Variants in ACVR1 observed in about 807,000 individuals in gnomAD.
The protein encoded by ACVR1 is activin receptor type-1.
Under a neutral mutation model 57.1 loss-of-function variants are expected in ACVR1, and 38 were observed. The ratio of observed to expected loss-of-function variants is 0.67; its 90% CI spans 0.51 to 0.87. The LOEUF is 0.87. Among genes scored for constraint, ACVR1 ranks in the 40% least tolerant of loss-of-function variants. The pLI is 0.00. For synonymous variants in ACVR1, 212 were observed against 228.1 expected (o/e 0.93, Z 0.63); for missense variants, 463 against 638.2 (o/e 0.73, Z 2.96).
rs769241707 is a variant in ACVR1 at position 157,799,840 on chromosome 2, T to C, written c.-7-340A>G. On this transcript the variant is annotated intron_variant, in intron 2 of 10. Coordinates refer to ENST00000434821, the MANE Select transcript of ACVR1 (RefSeq NM_001111067.4). ...TAGGTTTGAATTTTATCTTACCCCA[T>C]TGAATGCAAAATTGGTACTAAATTA... Among the ~76,000 whole-genome samples the C allele has an allele frequency of 2.6e-5, 4 of 152,180 alleles. No individual in the cohort carries two copies. In the East Asian group the frequency reaches 5.8e-4, roughly 22 times the overall value.
chr2:157,781,228 G>A (rs1686511751), intron 3 of ACVR1, among the ~76,000 whole-genome samples: 1 of 152,174 alleles, frequency 6.6e-6, no homozygotes. Flanking sequence ...TCCTGGCTGA[G>A]CATCTCAAAT....
chr2:157,826,234 T>C (rs1688344427), intron 1 of ACVR1, among the ~76,000 whole-genome samples: 1 of 152,168 alleles, frequency 6.6e-6, no homozygotes, highest in Non-Finnish European at 1.5e-5. Flanking sequence ...AGACAGATAT[T>C]TAGCAAAACT....
chr2:157,821,623 G>A (rs1303083319), intron 1 of ACVR1, among the ~76,000 whole-genome samples: 5 of 152,166 alleles, frequency 3.3e-5, no homozygotes, highest in African/African-American at 1.2e-4. Flanking sequence ...ACCATTCATT[G>A]AGCTGAGTTT....
At chr2:157,864,953 T>C (rs1689859823) in intron 1 of ACVR1, among the ~76,000 whole-genome samples, 1 of 152,126 alleles carries the variant, frequency 6.6e-6, no homozygotes, top group African/African-American at 2.4e-5. Context: ...CATATTTTTT[T>C]TTTTTTAAAA....
At chr2:157,850,550 G>T (rs184484739) in intron 1 of ACVR1, among the ~76,000 whole-genome samples, 1 of 152,114 alleles carries the variant, frequency 6.6e-6, no homozygotes, top group South Asian at 2.1e-4. Context: ...TCCTTTTCTC[G>T]TTAAGATTCC....
chr2:157,831,232 A>C (rs1688570303), intron 1 of ACVR1, among the ~76,000 whole-genome samples: 1 of 152,254 alleles, frequency 6.6e-6, no homozygotes, highest in Non-Finnish European at 1.5e-5. Flanking sequence ...ATAAGCATGA[A>C]AAAGGTAACA....
At chr2:157,738,350 C>T (rs1684620409) in intron 10 of ACVR1, 90 bp downstream of exon 10, 2 of 1,571,116 alleles carry the variant, frequency 1.3e-6, no homozygotes, top group East Asian at 4.5e-5. Flanking sequence ...CGGGACAGAT[C>T]ACTCAGATGC....
In ACVR1 at chr2:157,796,370, G is replaced by A. The variant is rs534642142; in HGVS notation, c.67+3057C>T. Among the ~76,000 whole-genome samples, 33 of 151,936 alleles carry A rather than the reference G, an allele frequency of 2.2e-4. 1 individual carries two copies. The South Asian group carries it at 6.2e-3, about 29-fold the overall frequency. Reference sequence around the variant, plus strand: ...AGTCGGAGACCAGCCTGGGCAACACGGCAAAACTCTGTCTCTACTAAAAAT... The same window carrying A: ...AGTCGGAGACCAGCCTGGGCAACACAGCAAAACTCTGTCTCTACTAAAAAT... On this transcript the variant is annotated intron_variant, in intron 3 of 10. Transcript: ENST00000434821.
rs1270532939 is a variant in ACVR1, at chr2:157,876,028, T to C, written c.-415A>G. Among the ~76,000 whole-genome samples the C allele has an allele frequency of 7.4e-6, 1 of 135,136 alleles. No homozygotes were observed. Among genetic ancestry groups the C allele is most frequent in the Non-Finnish European group, 1.6e-5 (1 of 63,944 alleles). The allele number at this position is 135,136 out of a possible 152,430, so 88.7% of individuals were successfully genotyped here. On this transcript the variant is annotated 5_prime_UTR_variant, in exon 1 of 11. Transcript: ENST00000434821. ...CGTGGGGCCGGGAGCTTCCCGGCCC[T>C]GGGGCCGGCGCGGCTGGCCGAGGAG... is the stretch of plus-strand genomic sequence containing the variant.
rs1689574966 is a variant in ACVR1, at chr2:157,857,458, A to G, written c.-183+18338T>C. 2.0e-5 allele frequency among the ~76,000 whole-genome samples: 3 copies of G among 152,072 alleles called. 1 individual carries two copies. In the South Asian group the frequency reaches 6.2e-4, roughly 32 times the overall value. On this transcript the variant is annotated intron_variant, in intron 1 of 10. Coordinates refer to ENST00000434821, the MANE Select transcript of ACVR1 (RefSeq NM_001111067.4). ...TCTTCCTCCACCATAAGGAAGAAAT[A>G]CTGTACCAGAGAGACCAGAATTGCA...
chr2:157,789,961 T>TACTGAACTGCTGTAAGGA (rs1286148197), intron 3 of ACVR1, among the ~76,000 whole-genome samples: 1 of 152,214 alleles, frequency 6.6e-6, no homozygotes, highest in African/African-American at 2.4e-5. Flanking sequence ...GAGAACAATA[T>TACTGAACTGCTGTAAGGA]GAAGTCTTCA....
chr2:157,759,905 A>C (rs148460691), intron 9 of ACVR1, among the ~76,000 whole-genome samples: 1,857 of 152,290 alleles, frequency 0.012, 14 homozygotes, highest in Non-Finnish European at 0.019. Flanking sequence ...TTCATGATAT[A>C]AACTCTCAAC....
chr2:157,768,031 T>C (rs567010806), intron 7 of ACVR1, among the ~76,000 whole-genome samples: 207 of 152,346 alleles, frequency 1.4e-3, no homozygotes, highest in African/African-American at 4.8e-3. Flanking sequence ...TTACTGACTA[T>C]GCCATACTGT....
chr2:157,761,075 G>A lies in ACVR1; in HGVS notation c.1069C>T (p.Leu357=), dbSNP rs1306239137. Residue 357 remains leucine, a splice_region_variant and synonymous_variant, in exon 9 of 11, where the codon CTG becomes TTG. Coordinates refer to ENST00000434821, the MANE Select transcript of ACVR1 (RefSeq NM_001111067.4). ...NGQCCIADLG[L]AVMHSQSTNQ... The stretch of plus-strand genomic sequence containing the variant: ...GTGCTCTGGGAATGCATGACTGCCA[G>A]GCCTGAAAGGAAGAAGATAACAATG... 1 of 1,613,624 alleles carries A rather than the reference G, an allele frequency of 6.2e-7. No homozygotes were observed. The highest frequency in any genetic ancestry group is 1.3e-5 in the African/African-American group (1 of 74,902).
intron 7 of ACVR1, among the ~76,000 whole-genome samples, chr2:157,768,797 C>T (rs959420009): frequency 6.6e-6 from 1 of 152,138 alleles, no homozygotes; most frequent in Non-Finnish European, 1.5e-5. Flanking sequence ...TTGGTTACCT[C>T]AACATTTAAA....
chr2:157,794,376 G>T (rs983903030), intron 3 of ACVR1, among the ~76,000 whole-genome samples: 2 of 152,162 alleles, frequency 1.3e-5, no homozygotes, highest in African/African-American at 4.8e-5. Flanking sequence ...GACAAGAAAA[G>T]TAAGAAACAC....
chr2:157,758,104 G>C (rs577117248), intron 9 of ACVR1, among the ~76,000 whole-genome samples: 1 of 151,854 alleles, frequency 6.6e-6, no homozygotes, highest in African/African-American at 2.4e-5. Context: ...ACTTGTAAAG[G>C]CACATATAGA....
In ACVR1 at chr2:157,736,797, T is replaced by C; in HGVS notation, c.*734A>G. The C allele has an allele frequency of 2.9e-6, 1 of 345,188 alleles. No homozygotes were observed. The highest frequency in any genetic ancestry group is 5.3e-6 in the Non-Finnish European group (1 of 188,306). The allele number at this position is 345,188 out of a possible 1,614,324, so 21.4% of individuals were successfully genotyped here. ...TAGAGTATAGTGTTAAAAACATTTC[T>C]GTAATAAAATCATAAGACCACATAA... On this transcript the variant is annotated 3_prime_UTR_variant, in exon 11 of 11. Coordinates refer to ENST00000434821, the MANE Select transcript of ACVR1 (RefSeq NM_001111067.4).
At chr2:157,845,422 C>T (rs1689100170) in intron 1 of ACVR1, among the ~76,000 whole-genome samples, 1 of 152,098 alleles carries the variant, frequency 6.6e-6, no homozygotes, top group South Asian at 2.1e-4. Context: ...GATGAAGGTA[C>T]ACATTGGAGT....
Sources: allele counts gnomAD v4.1 joint callset (sites outside exome capture counted in the v4.1 genomes callset), GRCh38; gene constraint gnomAD v4.1.1; transcripts MANE v1.5; gene names NCBI Gene and HGNC (gene_info 2026-07-23, HGNC 2026-07-21).